The following ILRUN variants were observed in gnomAD, a reference collection of about 807,000 sequenced individuals.
ILRUN encodes the protein inflammation and lipid regulator with UBA-like and NBR1-like domains, also known as protein ILRUN.
In ILRUN, 3 loss-of-function variants were observed where a neutral mutation model predicts 33.8. That is an observed-to-expected ratio of 0.09 (90% confidence interval 0.04 to 0.23). The LOEUF is 0.23. ILRUN is among the 10% of genes least tolerant of loss of function. The pLI, the probability that ILRUN is intolerant of heterozygous loss-of-function variation, is 1.00. For missense variants in ILRUN, 210 were observed against 375.1 expected (o/e 0.56, Z 3.64); for synonymous variants, 124 against 138.9 (o/e 0.89, Z 0.75).
chr6:34,676,651 C>T (rs768609434), intron 1 of ILRUN, among the ~76,000 whole-genome samples: 12 of 151,984 alleles, frequency 7.9e-5, no homozygotes, highest in Middle Eastern at 3.4e-3. Context: ...TACAGGTGCA[C>T]ACCACCTCGC....
chr6:34,633,368 T>C (rs1353827703), intron 3 of ILRUN, among the ~76,000 whole-genome samples: 7 of 152,130 alleles, frequency 4.6e-5, no homozygotes, highest in Non-Finnish European at 7.4e-5. Context: ...CAGTAACAGA[T>C]AGAACTAGTA....
chr6:34,637,525 A>G (rs1462599211), intron 3 of ILRUN, among the ~76,000 whole-genome samples: 1 of 152,196 alleles, frequency 6.6e-6, no homozygotes, highest in Non-Finnish European at 1.5e-5. Flanking sequence ...CTTTCAAATT[A>G]TATTTTTGCC....
Position 34,683,512 on chromosome 6 carries a change from ATACATATATATATATACATATT to A in ILRUN, c.158+12912_158+12933del, listed in dbSNP as rs1562033358. Among the ~76,000 whole-genome samples the A allele has an allele frequency of 6.6e-3, 419 of 63,880 alleles. 7 individuals carry two copies. The highest frequency in any genetic ancestry group is 0.017 in the South Asian group (50 of 2,900). 41.9% of individuals were successfully genotyped at this position (63,880 alleles called of 152,430 possible). A position where few individuals can be genotyped will look rare whatever the true frequency, so the allele number is the denominator to read the frequency against. ...CATATATATATACATATATATATATATACATATATATATATACATATTGCACAGAATATTCTGTGCAATGGGG... is the reference window on the plus strand; with the variant it reads ...CATATATATATACATATATATATATAGCACAGAATATTCTGTGCAATGGGG... On this transcript the variant is annotated intron_variant, in intron 1 of 4. Transcript: ENST00000374023.
At chr6:34,648,203 T>A (rs1290575181) in intron 2 of ILRUN, among the ~76,000 whole-genome samples, 1 of 152,338 alleles carries the variant, frequency 6.6e-6, no homozygotes, top group African/African-American at 2.4e-5. Flanking sequence ...TTGGAATATA[T>A]ACATTCATTA....
intron 4 of ILRUN, among the ~76,000 whole-genome samples, chr6:34,590,975 C>A (rs904134542): frequency 6.6e-6 from 1 of 152,198 alleles, no homozygotes; most frequent in Non-Finnish European, 1.5e-5. Context: ...CCATTCTATG[C>A]ACCTTAACTT....
intron 3 of ILRUN, among the ~76,000 whole-genome samples, chr6:34,617,584 G>C (rs564793282): frequency 6.6e-6 from 1 of 152,176 alleles, no homozygotes; most frequent in East Asian, 1.9e-4. Flanking sequence ...GCACCTAAAG[G>C]GGAAAAGGCT....
At chr6:34,630,920 A>G (rs1762232479) in intron 3 of ILRUN, among the ~76,000 whole-genome samples, 1 of 152,208 alleles carries the variant, frequency 6.6e-6, no homozygotes, top group East Asian at 1.9e-4. Context: ...AGTCACTAAC[A>G]AGCTCATCAA....
intron 1 of ILRUN, among the ~76,000 whole-genome samples, chr6:34,677,877 A>G (rs1281621416): frequency 7.1e-6 from 1 of 141,076 alleles, no homozygotes; most frequent in Admixed American, 7.6e-5. Context: ...TAAGCCCAGG[A>G]GGTCGAGGCT....
intron 3 of ILRUN, among the ~76,000 whole-genome samples, chr6:34,629,968 T>C (rs193135918): frequency 3.9e-5 from 6 of 152,320 alleles, no homozygotes; most frequent in Non-Finnish European, 5.9e-5. Context: ...TTCTGACTTA[T>C]AAATTAGGCC....
At chr6:34,672,285 G>A (rs994701371) in intron 1 of ILRUN, among the ~76,000 whole-genome samples, 1 of 152,054 alleles carries the variant, frequency 6.6e-6, no homozygotes, top group African/African-American at 2.4e-5. Flanking sequence ...GTAGAGATGG[G>A]GGTTTCGCCA....
chr6:34,596,252 G>A (rs752405352), intron 4 of ILRUN, among the ~76,000 whole-genome samples: 3 of 152,234 alleles, frequency 2.0e-5, no homozygotes, highest in Admixed American at 1.3e-4. Context: ...GTCAGCATGA[G>A]AGAAGGACTT....
At chr6:34,619,214 G>T (rs1183279909) in intron 3 of ILRUN, among the ~76,000 whole-genome samples, 1 of 151,988 alleles carries the variant, frequency 6.6e-6, no homozygotes, top group Non-Finnish European at 1.5e-5. Flanking sequence ...AGCTAGAAGA[G>T]GAGAATTAAG....
At chr6:34,638,649 G>A (rs1762412925) in intron 3 of ILRUN, among the ~76,000 whole-genome samples, 1 of 151,920 alleles carries the variant, frequency 6.6e-6, no homozygotes, top group South Asian at 2.1e-4. Flanking sequence ...AGGCTGTAGT[G>A]AGCCGTGATC....
At chr6:34,635,935 A>G (rs759621060) in intron 3 of ILRUN, among the ~76,000 whole-genome samples, 8 of 152,070 alleles carry the variant, frequency 5.3e-5, no homozygotes, top group Non-Finnish European at 1.2e-4. Context: ...AAATCTTAAG[A>G]AGAAACTGGA....
chr6:34,652,495 C>T (rs1762690325), intron 2 of ILRUN, among the ~76,000 whole-genome samples: 1 of 152,078 alleles, frequency 6.6e-6, no homozygotes. Context: ...TCTAAATATG[C>T]CAGAAAAACT....
chr6:34,673,232 AGGT>A (rs993017345), intron 1 of ILRUN, among the ~76,000 whole-genome samples: 2 of 152,218 alleles, frequency 1.3e-5, no homozygotes, highest in African/African-American at 2.4e-5. Context: ...CAGGAAACAG[AGGT>A]TCCAACAAAG....
At chr6:34,651,763 A>G (rs1276071228) in intron 2 of ILRUN, among the ~76,000 whole-genome samples, 1 of 146,992 alleles carries the variant, frequency 6.8e-6, no homozygotes, top group Non-Finnish European at 1.5e-5. Flanking sequence ...ATATATATAT[A>G]TATCTCACTG....
chr6:34,600,822 C>G (rs1482764190), intron 4 of ILRUN, among the ~76,000 whole-genome samples: 1 of 152,188 alleles, frequency 6.6e-6, no homozygotes, highest in African/African-American at 2.4e-5. Context: ...AGAAAGCCCA[C>G]AGATGTCAGC....
intron 3 of ILRUN, among the ~76,000 whole-genome samples, chr6:34,637,864 C>CTGCTGCTGTTGTTGT (rs749114775): frequency 0.038 from 5,334 of 141,958 alleles, 129 homozygotes; most frequent in Middle Eastern, 0.074. Flanking sequence ...GCTGCTGCTG[C>CTGCTGCTGTTGTTGT]TGTTGTTGTT....
Sources: gnomAD v4.1 joint callset for allele counts (sites outside exome capture counted in the v4.1 genomes callset) on GRCh38, gnomAD v4.1.1 for gene constraint, MANE v1.5 for transcripts, NCBI Gene and HGNC (gene_info 2026-07-23, HGNC 2026-07-21) for gene names.